The following SEMA5A variants were observed in gnomAD, a reference collection of about 807,000 sequenced individuals.
SEMA5A encodes the protein semaphorin 5A.
SEMA5A carries 55 observed loss-of-function variants against 135.5 expected under a neutral mutation model. That is an observed-to-expected ratio of 0.41 (90% confidence interval 0.33 to 0.51). The LOEUF (loss-of-function observed/expected upper bound fraction) is 0.51, where lower values mean the gene tolerates loss of function less well. SEMA5A is among the 20% of genes least tolerant of loss of function. The pLI is 0.37. For synonymous variants in SEMA5A, 580 were observed against 546.5 expected, an observed-to-expected ratio of 1.06 and a Z score of -0.85; for missense variants, 1,290 against 1,419.9, an observed-to-expected ratio of 0.91 and a Z score of 1.47.
chr5:9,130,149 T>C (rs1439184301), intron 13 of SEMA5A, among the ~76,000 whole-genome samples: 5 of 152,196 alleles, frequency 3.3e-5, no homozygotes, highest in Non-Finnish European at 5.9e-5. Context: ...TTTGTTCATG[T>C]CCATTTCATT....
At chr5:9,071,164 A>G (rs933488745) in intron 16 of SEMA5A, among the ~76,000 whole-genome samples, 1 of 152,208 alleles carries the variant, frequency 6.6e-6, no homozygotes, top group Admixed American at 6.5e-5. Flanking sequence ...TTCCCCACGT[A>G]TTATGTATTC....
intron 2 of SEMA5A, among the ~76,000 whole-genome samples, chr5:9,399,925 T>TACCA (rs1756576363): frequency 6.6e-6 from 1 of 152,050 alleles, no homozygotes; most frequent in Non-Finnish European, 1.5e-5. Flanking sequence ...GATAAGATAC[T>TACCA]GGTATACATA....
chr5:9,436,688 T>C (rs954566675), intron 2 of SEMA5A, among the ~76,000 whole-genome samples: 11 of 152,126 alleles, frequency 7.2e-5, no homozygotes, highest in Admixed American at 3.9e-4. Flanking sequence ...GGGAGAAAAA[T>C]AAATAAGTTA....
intron 1 of SEMA5A, among the ~76,000 whole-genome samples, chr5:9,496,126 C>A (rs1395983523): frequency 2.0e-5 from 3 of 152,262 alleles, no homozygotes; most frequent in East Asian, 1.9e-4. Context: ...CTCACTGTAA[C>A]CTCTGCCTCC....
chr5:9,073,306 T>C (rs930401701), intron 16 of SEMA5A, among the ~76,000 whole-genome samples: 19 of 152,202 alleles, frequency 1.2e-4, no homozygotes, highest in Non-Finnish European at 2.5e-4. Context: ...TGGGTTATCA[T>C]TTGAAATTCA....
At chr5:9,541,674 A>G (rs983752053) in intron 1 of SEMA5A, among the ~76,000 whole-genome samples, 2 of 151,568 alleles carry the variant, frequency 1.3e-5, no homozygotes, top group Non-Finnish European at 2.9e-5. Context: ...CTCTTGTCAA[A>G]CAACCATTAA....
intron 2 of SEMA5A, among the ~76,000 whole-genome samples, chr5:9,417,083 C>T (rs1415943648): frequency 6.6e-6 from 1 of 152,172 alleles, no homozygotes; most frequent in Admixed American, 6.5e-5. Flanking sequence ...CTTTTATATC[C>T]TACACAGATT....
intron 12 of SEMA5A, among the ~76,000 whole-genome samples, chr5:9,146,119 T>A (rs1368629089): frequency 6.6e-6 from 1 of 152,150 alleles, no homozygotes; most frequent in Non-Finnish European, 1.5e-5. Flanking sequence ...GATGGGTTCT[T>A]ACCCACCCTG....
intron 16 of SEMA5A, among the ~76,000 whole-genome samples, chr5:9,107,522 G>A (rs981394168): frequency 5.9e-5 from 9 of 152,026 alleles, no homozygotes; most frequent in South Asian, 4.1e-4. Flanking sequence ...ATATTATTCC[G>A]TGTCCCAAAC....
rs146126615 is a variant in SEMA5A, at chr5:9,521,140, T to G, written c.-175+24444A>C. 6.6e-3 allele frequency among the ~76,000 whole-genome samples: 1,011 copies of G among 152,354 alleles called. 32 individuals are homozygous for G. Among genetic ancestry groups the G allele is most frequent in the Admixed American group, 0.05 (758 of 15,302 alleles). On this transcript the variant is annotated intron_variant, in intron 1 of 22. Transcript: ENST00000382496. ...AGAACATTTTTTAGGCTAGGCCTGGTGGCTCACACCTGTAATCCCAGCACT... is the reference window on the plus strand; with the variant it reads ...AGAACATTTTTTAGGCTAGGCCTGGGGGCTCACACCTGTAATCCCAGCACT...
intron 1 of SEMA5A, among the ~76,000 whole-genome samples, chr5:9,448,749 C>T (rs1381278922): frequency 2.6e-5 from 4 of 152,204 alleles, no homozygotes; most frequent in Admixed American, 2.0e-4. Context: ...CCTGCTGGCT[C>T]TCTGAAATCC....
intron 3 of SEMA5A, among the ~76,000 whole-genome samples, chr5:9,340,892 C>T (rs1182981219): frequency 6.6e-6 from 1 of 152,034 alleles, no homozygotes; most frequent in Non-Finnish European, 1.5e-5. Context: ...ACCTATCCTC[C>T]CAACTTTCCC....
chr5:9,212,459 A>G (rs1746392339), intron 8 of SEMA5A, among the ~76,000 whole-genome samples: 1 of 152,232 alleles, frequency 6.6e-6, no homozygotes, highest in Non-Finnish European at 1.5e-5. Flanking sequence ...ATTACCAAAC[A>G]CATAACTTAA....
intron 8 of SEMA5A, among the ~76,000 whole-genome samples, chr5:9,219,184 G>T (rs1035009551): frequency 4.6e-5 from 7 of 152,220 alleles, no homozygotes; most frequent in African/African-American, 1.7e-4. Context: ...CTATTCTGTG[G>T]AGAGTGGGTC....
At chr5:9,463,340 C>T (rs999519832) in intron 1 of SEMA5A, among the ~76,000 whole-genome samples, 29 of 152,114 alleles carry the variant, frequency 1.9e-4, no homozygotes, top group African/African-American at 7.0e-4. Flanking sequence ...AAACAAAACC[C>T]TCCATACACT....
chr5:9,333,484 A>T (rs1414342583), intron 4 of SEMA5A, among the ~76,000 whole-genome samples: 1 of 152,232 alleles, frequency 6.6e-6, no homozygotes, highest in Non-Finnish European at 1.5e-5. Context: ...TGAACCTGAA[A>T]CACTAAAGAC....
chr5:9,305,136 G>A (rs149447431), intron 5 of SEMA5A, among the ~76,000 whole-genome samples: 5 of 152,044 alleles, frequency 3.3e-5, no homozygotes, highest in African/African-American at 7.2e-5. Flanking sequence ...CGCCTGTATT[G>A]GAGCCTCTAT....
At position 9,098,974 on chromosome 5, in the gene SEMA5A, A is replaced by T. The variant is rs572557941; in HGVS notation, c.2073+9166T>A. ...ATTTGAATTATTGTAGGCATAAAAA[A>T]TTTTTAAAAACTATAGAAATGTACA... On this transcript the variant is annotated intron_variant, in intron 16 of 22. Transcript: ENST00000382496. Among the ~76,000 whole-genome samples, 11 of 152,316 alleles carry T rather than the reference A, an allele frequency of 7.2e-5. No individual in the cohort carries two copies. The South Asian group carries it at 1.2e-3, about 17-fold the overall frequency.
At chr5:9,529,085 AG>A (rs2126315122) in intron 1 of SEMA5A, among the ~76,000 whole-genome samples, 1 of 152,370 alleles carries the variant, frequency 6.6e-6, no homozygotes, top group East Asian at 1.9e-4. Context: ...CACTGTATCC[AG>A]ATGGTTCTGG....
Sources: gnomAD v4.1 joint callset for allele counts (sites outside exome capture counted in the v4.1 genomes callset) on GRCh38, gnomAD v4.1.1 for gene constraint, MANE v1.5 for transcripts, NCBI Gene and HGNC (gene_info 2026-07-23, HGNC 2026-07-21) for gene names.